DLG2: variants seen among roughly 807,000 people sequenced by gnomAD.
DLG2 encodes disks large homolog 2.
A neutral mutation model predicts 132.5 loss-of-function variants in DLG2; 45 were observed. The observed-to-expected ratio is 0.34, with a 90% CI of 0.27 to 0.44. The LOEUF (loss-of-function observed/expected upper bound fraction) is 0.44, where lower values mean the gene tolerates loss of function less well. Among genes scored for constraint, DLG2 ranks in the 20% least tolerant of loss-of-function variants. The pLI, the probability that DLG2 is intolerant of heterozygous loss-of-function variation, is 1.00. For synonymous variants in DLG2, 424 were observed against 419.6 expected, an observed-to-expected ratio of 1.01 and a Z score of -0.13; for missense variants, 1,045 against 1,196.9, an observed-to-expected ratio of 0.87 and a Z score of 1.87.
At chr11:85,432,035 G>A (rs1437134068) in intron 3 of DLG2, among the ~76,000 whole-genome samples, 1 of 152,058 alleles carries the variant, frequency 6.6e-6, no homozygotes, top group Non-Finnish European at 1.5e-5. Flanking sequence ...AAATGAATAG[G>A]GCCTGGAGCG....
chr11:84,819,821 A>G (rs541615964), intron 6 of DLG2, among the ~76,000 whole-genome samples: 2 of 151,570 alleles, frequency 1.3e-5, no homozygotes, highest in South Asian at 4.2e-4. Flanking sequence ...AAGTGATCAC[A>G]TGGGGTGTAC....
rs145540906 is a variant in DLG2, at chr11:84,745,090, C to T, written c.358-210359G>A. Among the ~76,000 whole-genome samples the T allele has an allele frequency of 2.6e-3, 396 of 151,898 alleles. 1 individual carries two copies. Among genetic ancestry groups the T allele is most frequent in the African/African-American group, 7.7e-3 (320 of 41,468 alleles). On this transcript the variant is annotated intron_variant, in intron 6 of 27. Coordinates refer to ENST00000376104, the MANE Select transcript of DLG2 (RefSeq NM_001142699.3). ...AGTTCACATATTAGAGATCACTATTCTTGAATCCATGAAAAAGAGGGGCTC... is the reference window on the plus strand; with the variant it reads ...AGTTCACATATTAGAGATCACTATTTTTGAATCCATGAAAAAGAGGGGCTC...
At chr11:85,029,132 GAAAT>G (rs2060796907) in intron 6 of DLG2, among the ~76,000 whole-genome samples, 1 of 151,620 alleles carries the variant, frequency 6.6e-6, no homozygotes, top group African/African-American at 2.4e-5. Context: ...ATTTATTAGA[GAAAT>G]AAACATTTAC....
intron 7 of DLG2, among the ~76,000 whole-genome samples, chr11:84,349,168 C>T: frequency 6.6e-6 from 1 of 152,128 alleles, no homozygotes; most frequent in South Asian, 2.1e-4. Context: ...AGGCTAAGTG[C>T]ATGATCTCAA....
intron 4 of DLG2, among the ~76,000 whole-genome samples, chr11:85,160,063 G>C (rs1222566316): frequency 2.0e-5 from 3 of 152,222 alleles, no homozygotes; most frequent in African/African-American, 7.2e-5. Flanking sequence ...TGTGGGGCCT[G>C]TCAAGATATT....
chr11:85,568,279 T>G (rs1482128151), intron 3 of DLG2, among the ~76,000 whole-genome samples: 1 of 152,120 alleles, frequency 6.6e-6, no homozygotes, highest in Non-Finnish European at 1.5e-5. Context: ...CCTTCCAAAG[T>G]GCTGGGATTA....
chr11:85,490,404 G>C (rs904820971), intron 3 of DLG2, among the ~76,000 whole-genome samples: 4 of 151,228 alleles, frequency 2.6e-5, no homozygotes, highest in African/African-American at 9.7e-5. Flanking sequence ...AGAAAAGCAA[G>C]AACAAACCAA....
intron 6 of DLG2, among the ~76,000 whole-genome samples, chr11:84,674,184 T>C (rs979999635): frequency 8.5e-5 from 13 of 152,160 alleles, no homozygotes; most frequent in African/African-American, 2.7e-4. Context: ...AAGACAACTA[T>C]GCATTCATGT....
chr11:83,642,416 T>C (rs887784801), intron 18 of DLG2, among the ~76,000 whole-genome samples: 2 of 152,232 alleles, frequency 1.3e-5, no homozygotes, highest in Non-Finnish European at 2.9e-5. Flanking sequence ...TTGTTTTGAC[T>C]AGAACAATCT....
intron 6 of DLG2, among the ~76,000 whole-genome samples, chr11:84,988,391 A>T (rs2056731763): frequency 6.6e-6 from 1 of 152,220 alleles, no homozygotes; most frequent in African/African-American, 2.4e-5. Flanking sequence ...AGAAGTCGTT[A>T]TATGAAAAAG....
intron 6 of DLG2, among the ~76,000 whole-genome samples, chr11:84,915,093 C>A (rs2092371025): frequency 6.6e-6 from 1 of 152,078 alleles, no homozygotes; most frequent in Non-Finnish European, 1.5e-5. Context: ...TGTTGTAATT[C>A]ATCATCTTTT....
chr11:83,642,678 C>G (rs986563978), intron 18 of DLG2, among the ~76,000 whole-genome samples: 1 of 152,120 alleles, frequency 6.6e-6, no homozygotes, highest in African/African-American at 2.4e-5. Flanking sequence ...ATGGAGTCAA[C>G]ACAGAAACTT....
In DLG2 at chr11:85,514,589, T is replaced by C. The variant is rs368104059; in HGVS notation, c.40+84068A>G. ...TTATCATTCCTCTAACAGATTCTTA[T>C]AGCACTTTTTGGAATAGTGAATACT... On this transcript the variant is annotated intron_variant, in intron 3 of 27. Transcript: ENST00000376104. Among the ~76,000 whole-genome samples, 18 of 152,094 alleles carry C rather than the reference T, an allele frequency of 1.2e-4. No homozygotes were observed. The South Asian group carries it at 1.2e-3, about 11-fold the overall frequency.
chr11:84,811,203 C>T (rs1275628035), intron 6 of DLG2, among the ~76,000 whole-genome samples: 2 of 152,124 alleles, frequency 1.3e-5, no homozygotes, highest in East Asian at 1.9e-4. Context: ...TCCCCAACTT[C>T]CACCTCACCT....
intron 6 of DLG2, among the ~76,000 whole-genome samples, chr11:84,571,493 T>C (rs751880861): frequency 5.3e-5 from 8 of 152,060 alleles, no homozygotes; most frequent in Non-Finnish European, 1.2e-4. Context: ...AAGAGACTAA[T>C]GCCATGCTTG....
At chr11:85,007,837 C>T (rs635032) in intron 6 of DLG2, among the ~76,000 whole-genome samples, 107,186 of 151,858 alleles carry the variant, frequency 0.71, 38,831 homozygotes, top group East Asian at 0.92. Context: ...TGTGACTTCA[C>T]TGATCTTAAT....
chr11:84,070,325 C>T lies in DLG2; in HGVS notation c.750-10841G>A, dbSNP rs181972945. Among the ~76,000 whole-genome samples, 24 of 152,272 alleles carry T rather than the reference C, an allele frequency of 1.6e-4. No homozygotes were observed. In the East Asian group the frequency reaches 4.4e-3, roughly 28 times the overall value. ...CTGTCTCTCAAACGTTCAACCAAAG[C>T]TAGCATCATTCAAAGGCAAGTTCAC... On this transcript the variant is annotated intron_variant, in intron 10 of 27. Transcript: ENST00000376104.
At chr11:84,833,458 A>G (rs2079299438) in intron 6 of DLG2, among the ~76,000 whole-genome samples, 1 of 151,626 alleles carries the variant, frequency 6.6e-6, no homozygotes, top group African/African-American at 2.4e-5. Flanking sequence ...TACAATACTT[A>G]GACAATGCTC....
At chr11:84,067,915 G>A (rs2096703850) in intron 10 of DLG2, among the ~76,000 whole-genome samples, 1 of 152,186 alleles carries the variant, frequency 6.6e-6, no homozygotes, top group South Asian at 2.1e-4. Context: ...ATATCTATGA[G>A]GCTTTTTTTT....
Sources: allele counts gnomAD v4.1 joint callset (sites outside exome capture counted in the v4.1 genomes callset), GRCh38; gene constraint gnomAD v4.1.1; transcripts MANE v1.5; gene names NCBI Gene and HGNC (gene_info 2026-07-23, HGNC 2026-07-21).